The following PCDHA7 variants were observed in gnomAD, a reference collection of about 807,000 sequenced individuals.
The protein encoded by PCDHA7 is protocadherin alpha-7.
Under a neutral mutation model 57.2 loss-of-function variants are expected in PCDHA7, and 37 were observed. The observed-to-expected ratio is 0.65, with a 90% confidence interval of 0.50 to 0.85. The LOEUF is 0.85. PCDHA7 is among the 40% of genes least tolerant of loss of function. The pLI, the probability that PCDHA7 is intolerant of heterozygous loss-of-function variation, is 0.00. For synonymous variants in PCDHA7, 553 were observed against 558.8 expected, an observed-to-expected ratio of 0.99 and a Z score of 0.15; for missense variants, 1,188 against 1,241.8, an observed-to-expected ratio of 0.96 and a Z score of 0.65.
intron 3 of PCDHA7, among the ~76,000 whole-genome samples, chr5:140,985,873 G>C (rs1210347898): frequency 1.3e-5 from 2 of 151,280 alleles, no homozygotes; most frequent in Non-Finnish European, 2.9e-5. Flanking sequence ...CTGAGTAGCT[G>C]GGACTACAGG....
At chr5:141,006,130 TAGAAAGCTTAAGC>T (rs2098257447) in intron 3 of PCDHA7, among the ~76,000 whole-genome samples, 1 of 150,362 alleles carries the variant, frequency 6.7e-6, no homozygotes. Context: ...CTCAAGGCAG[TAGAAAGCTTAAGC>T]AGAGGAGTGA....
chr5:140,928,525 G>A (rs200642808), intron 1 of PCDHA7: 1 of 1,614,182 alleles, frequency 6.2e-7, no homozygotes, highest in East Asian at 2.2e-5. Context: ...AAACTTGTTT[G>A]TGGTAGATAG....
At chr5:140,913,160 G>A (rs1437493261) in intron 1 of PCDHA7, among the ~76,000 whole-genome samples, 2 of 152,274 alleles carry the variant, frequency 1.3e-5, no homozygotes, top group East Asian at 3.9e-4. Flanking sequence ...AGTAGGATTG[G>A]TATTAGTTCT....
rs2150358233 is a variant in PCDHA7 at position 140,843,360 on chromosome 5, C to G, written c.2355+6622C>G. On this transcript the variant is annotated intron_variant, in intron 1 of 3. Coordinates refer to ENST00000525929, the MANE Select transcript of PCDHA7 (RefSeq NM_018910.3). Reference sequence around the variant, plus strand: ...AGCGGCCAGGCTCCAAAAGCGTCATCGAGGCAGTCGGCTGGCGTTTTGGGT... The same window carrying G: ...AGCGGCCAGGCTCCAAAAGCGTCATGGAGGCAGTCGGCTGGCGTTTTGGGT... 32 of 1,596,088 alleles carry G rather than the reference C, an allele frequency of 2.0e-5. 6 individuals carry two copies. Among genetic ancestry groups the G allele is most frequent in the Non-Finnish European group, 2.6e-5 (30 of 1,165,594 alleles).
intron 1 of PCDHA7, among the ~76,000 whole-genome samples, chr5:140,930,604 G>C (rs2086982661): frequency 6.6e-6 from 1 of 152,108 alleles, no homozygotes; most frequent in South Asian, 2.1e-4. Flanking sequence ...AGAAATCCTA[G>C]ATGCAAGAGA....
At chr5:140,966,469 C>G (rs1308389710) in intron 1 of PCDHA7, 1 of 432,506 alleles carries the variant, frequency 2.3e-6, no homozygotes, top group African/African-American at 2.0e-5. Context: ...GTCTTCCCTT[C>G]TGTTTCCTTT....
intron 3 of PCDHA7, among the ~76,000 whole-genome samples, chr5:140,997,565 A>G (rs552009994): frequency 6.6e-6 from 1 of 152,292 alleles, no homozygotes; most frequent in South Asian, 2.1e-4. Flanking sequence ...CAACTGTCAT[A>G]TGTGTGGTCC....
intron 1 of PCDHA7, chr5:140,857,943 C>G: frequency 6.3e-7 from 1 of 1,597,460 alleles, no homozygotes. Context: ...GAGATCAGTA[C>G]GACGCGCGCT....
rs2150449498 is a variant in PCDHA7 at position 140,849,775 on chromosome 5, C to A, written c.2355+13037C>A. 6.3e-7 allele frequency: 1 copy of A among 1,598,434 alleles called. No homozygotes were observed. The highest frequency in any genetic ancestry group is 8.6e-7 in the Non-Finnish European group (1 of 1,167,964). Reference sequence around the variant, plus strand: ...TCCGCCTACGAGCTGGTGGTTACCGCGCGGGACGGGGGCTCGCCTTCACTG... The same window carrying A: ...TCCGCCTACGAGCTGGTGGTTACCGAGCGGGACGGGGGCTCGCCTTCACTG... On this transcript the variant is annotated intron_variant, in intron 1 of 3. Transcript: ENST00000525929.
intron 1 of PCDHA7, chr5:140,928,844 C>T (rs782361945): frequency 1.2e-6 from 2 of 1,614,168 alleles, no homozygotes; most frequent in Non-Finnish European, 1.7e-6. Flanking sequence ...TCCTCTGTCA[C>T]TCTGGGTGTG....
At chr5:140,972,132 A>C (rs1412850121) in intron 1 of PCDHA7, among the ~76,000 whole-genome samples, 9 of 152,062 alleles carry the variant, frequency 5.9e-5, no homozygotes, top group African/African-American at 2.2e-4. Context: ...TCAGTGAGTT[A>C]CTACTATTTT....
chr5:140,928,426 T>G (rs1563104997), intron 1 of PCDHA7: 2 of 1,614,134 alleles, frequency 1.2e-6, no homozygotes, highest in Non-Finnish European at 1.7e-6. Context: ...TGCCAAAACT[T>G]CCTTTGACTT....
chr5:140,850,112 C>T lies in PCDHA7; in HGVS notation c.2355+13374C>T, dbSNP rs2150468097. On this transcript the variant is annotated intron_variant, in intron 1 of 3. Coordinates refer to ENST00000525929, the MANE Select transcript of PCDHA7 (RefSeq NM_018910.3). ...TACAGTTCCAGGTGAGCGCGCGCGA[C>T]GCGGGCGTGCCGCCTCTGGGCAGCA... 91 of 1,595,906 alleles carry T rather than the reference C, an allele frequency of 5.7e-5. 9 individuals are homozygous for T. The highest frequency in any genetic ancestry group is 5.9e-5 in the Non-Finnish European group (69 of 1,167,846).
chr5:140,855,571 T>G (rs2043521120), intron 1 of PCDHA7, among the ~76,000 whole-genome samples: 1 of 149,810 alleles, frequency 6.7e-6, no homozygotes, highest in Non-Finnish European at 1.5e-5. Context: ...AAAGTTGTCA[T>G]TTAATAAAAT....
intron 1 of PCDHA7, among the ~76,000 whole-genome samples, chr5:140,959,036 GTATGT>G (rs2095460948): frequency 6.6e-6 from 1 of 152,032 alleles, no homozygotes; most frequent in African/African-American, 2.4e-5. Flanking sequence ...TCATGGGTAT[GTATGT>G]ATAGGAAAAA....
At chr5:140,870,338 T>C in intron 1 of PCDHA7, 1 of 1,614,186 alleles carries the variant, frequency 6.2e-7, no homozygotes, top group Non-Finnish European at 8.5e-7. Context: ...GACAGCGCCC[T>C]GGACCGCGAG....
At chr5:140,987,944 T>C (rs910006070) in intron 3 of PCDHA7, among the ~76,000 whole-genome samples, 11 of 152,186 alleles carry the variant, frequency 7.2e-5, no homozygotes, top group African/African-American at 2.7e-4. Context: ...CTTACCTGTC[T>C]GACAAAACCA....
chr5:140,952,442 A>G (rs1431756877), intron 1 of PCDHA7, among the ~76,000 whole-genome samples: 1 of 152,178 alleles, frequency 6.6e-6, no homozygotes, highest in African/African-American at 2.4e-5. Context: ...CAGGCATAAT[A>G]CAGCCAGGCT....
At chr5:140,922,802 GA>G (rs1475670811) in intron 1 of PCDHA7, among the ~76,000 whole-genome samples, 1 of 152,162 alleles carries the variant, frequency 6.6e-6, no homozygotes, top group African/African-American at 2.4e-5. Flanking sequence ...TTGGAATACA[GA>G]AAAAGGAGAT....
Sources: allele counts gnomAD v4.1 joint callset (sites outside exome capture counted in the v4.1 genomes callset), GRCh38; gene constraint gnomAD v4.1.1; transcripts MANE v1.5; gene names NCBI Gene and HGNC (gene_info 2026-07-23, HGNC 2026-07-21).